Variants in HNRNPD observed in about 807,000 individuals in gnomAD.
The protein encoded by HNRNPD is heterogeneous nuclear ribonucleoprotein D, also known as heterogeneous nuclear ribonucleoprotein D0.
HNRNPD carries 3 observed loss-of-function variants against 47.9 expected under a neutral mutation model. The ratio of observed to expected loss-of-function variants is 0.06; its 90% confidence interval spans 0.03 to 0.16. The LOEUF is 0.16. Among genes scored for constraint, HNRNPD ranks in the 10% least tolerant of loss-of-function variants. HNRNPD has a pLI of 1.00. For synonymous variants in HNRNPD, 171 were observed against 165.1 expected (o/e 1.04, Z -0.28); for missense variants, 287 against 454.2 (o/e 0.63, Z 3.35).
chr4:82,354,443 A>T (rs1484892988), intron 8 of HNRNPD: 1 of 152,674 alleles, frequency 6.5e-6, no homozygotes, highest in African/African-American at 2.4e-5. Context: ...ATTTGGTAAA[A>T]GGACATTTTG....
At chr4:82,356,218 G>C (rs1723705785) in intron 7 of HNRNPD, 2 of 239,620 alleles carry the variant, frequency 8.3e-6, no homozygotes, top group Non-Finnish European at 1.6e-5. Context: ...ATCATGCCAA[G>C]ATTATTGGTT....
intron 3 of HNRNPD, 61 bp from the exon 4 acceptor site, chr4:82,358,881 T>C (rs1723843258): frequency 4.1e-6 from 5 of 1,221,004 alleles, no homozygotes; most frequent in Non-Finnish European, 5.7e-6. Flanking sequence ...CAGAGACTAT[T>C]AACTTACTTA....
At chr4:82,366,736 T>C (rs1415036914) in intron 2 of HNRNPD, among the ~76,000 whole-genome samples, 1 of 151,944 alleles carries the variant, frequency 6.6e-6, no homozygotes, top group African/African-American at 2.4e-5. Context: ...AATTTTTGTA[T>C]TTTTAGTAGA....
At position 82,371,686 on chromosome 4, in the gene HNRNPD, G is replaced by T; in HGVS notation, c.234-102C>A. 3.6e-6 allele frequency: 3 copies of T among 840,238 alleles called. 1 individual carries two copies. In the South Asian group the frequency reaches 5.0e-5, roughly 14 times the overall value. The allele number at this position is 840,238 out of a possible 1,614,324, so 52.0% of individuals were successfully genotyped here. On this transcript the variant is annotated intron_variant, in intron 1 of 8. Coordinates refer to ENST00000313899, the MANE Select transcript of HNRNPD (RefSeq NM_031370.3). ...TTAATTCATTTACACTTCAACAGTA[G>T]GTAACTATAAAGTCAGCTGCTTTGC...
intron 4 of HNRNPD, chr4:82,358,023 G>A (rs977452895): frequency 2.6e-5 from 4 of 152,294 alleles, no homozygotes; most frequent in Admixed American, 6.5e-5. Context: ...TCTGTGGGAC[G>A]TATCTGGAGC....
intron 2 of HNRNPD, among the ~76,000 whole-genome samples, chr4:82,362,360 C>A (rs900022750): frequency 6.6e-6 from 1 of 152,172 alleles, no homozygotes; most frequent in African/African-American, 2.4e-5. Flanking sequence ...AGTCTCTAAG[C>A]AAGCACCTAA....
chr4:82,359,346 C>T (rs1723868620), intron 3 of HNRNPD, 125 bp downstream of exon 3: 13 of 536,178 alleles, frequency 2.4e-5, no homozygotes, highest in Admixed American at 1.5e-4. Flanking sequence ...CGTATTGGGG[C>T]AAGAACTATT....
At chr4:82,371,040 TAA>T (rs915250302) in intron 2 of HNRNPD, among the ~76,000 whole-genome samples, 2 of 151,516 alleles carry the variant, frequency 1.3e-5, no homozygotes, top group African/African-American at 4.8e-5. Flanking sequence ...ATATGCTAGG[TAA>T]AAGACAAACA....
chr4:82,364,848 C>A (rs1258350192), intron 2 of HNRNPD, among the ~76,000 whole-genome samples: 1 of 152,164 alleles, frequency 6.6e-6, no homozygotes, highest in African/African-American at 2.4e-5. Flanking sequence ...ATTTAATAAT[C>A]CTGGCTTTTC....
chr4:82,362,613 C>G (rs35103793), intron 2 of HNRNPD, among the ~76,000 whole-genome samples: 25,656 of 151,928 alleles, frequency 0.17, 2,605 homozygotes, highest in Non-Finnish European at 0.23. Flanking sequence ...TTTTTGGTTG[C>G]TTAGTTTTTG....
chr4:82,370,717 C>T (rs947344547), intron 2 of HNRNPD, among the ~76,000 whole-genome samples: 1 of 152,106 alleles, frequency 6.6e-6, no homozygotes, highest in South Asian at 2.1e-4. Context: ...AAGTTAGTGG[C>T]CTTCTACTCT....
chr4:82,373,564 C>T lies in HNRNPD; in HGVS notation c.115G>A (p.Ala39Thr). The T allele has an allele frequency of 6.5e-7, 1 of 1,539,768 alleles. No individual in the cohort carries two copies. Among genetic ancestry groups the T allele is most frequent in the Non-Finnish European group, 8.7e-7 (1 of 1,143,778 alleles). The change falls in exon 1 of 9, where the codon GCG (alanine) becomes ACG (threonine). Residue 39 changes from alanine (A) to threonine (T), a missense_variant. Transcript: ENST00000313899. ...GTCCCGGCTCCGCTTCCCGCCGCCG[C>T]CGCTGCCCCCTGTGTCGCCGCCACC... is the stretch of plus-strand genomic sequence containing the variant. ...AMVAATQGAA[A>T]AAGSGAGTGG...
intron 7 of HNRNPD, chr4:82,355,740 A>G (rs896196000): frequency 6.7e-6 from 2 of 297,830 alleles, no homozygotes; most frequent in Non-Finnish European, 1.2e-5. Flanking sequence ...ACAAATTGTC[A>G]ACCACAATCA....
rs1222018105 is a variant in HNRNPD at position 82,352,918 on chromosome 4, G to T, written c.*1267C>A. ...GGTATTCCATCACTTCACTACTATA[G>T]AACTGTATAATAATACATTTCTCAT... On this transcript the variant is annotated 3_prime_UTR_variant, in exon 9 of 9. Transcript: ENST00000313899. 7 of 152,138 alleles carry T rather than the reference G, an allele frequency of 4.6e-5. No individual in the cohort carries two copies. The highest frequency in any genetic ancestry group is 1.3e-4 in the Admixed American group (2 of 15,272). 9.4% of individuals were successfully genotyped at this position (152,138 alleles called of 1,614,324 possible).
Position 82,373,760 on chromosome 4 carries a change from C to T in HNRNPD, c.-82G>A. The T allele has an allele frequency of 7.2e-6, 11 of 1,527,572 alleles. No homozygotes were observed. The highest frequency in any genetic ancestry group is 4.0e-5 in the Admixed American group (2 of 50,626). 94.6% of individuals were successfully genotyped at this position (1,527,572 alleles called of 1,614,324 possible). A position where few individuals can be genotyped will look rare whatever the true frequency, so the allele number is the denominator to read the frequency against. ...AAACTAGCAGCAAAGTAATCCCCGC[C>T]GCTGCCGCGCGCCCGCTCTACCTCG... On this transcript the variant is annotated 5_prime_UTR_variant, in exon 1 of 9. Transcript: ENST00000313899.
In HNRNPD at chr4:82,356,580, G is replaced by C; in HGVS notation, c.957C>G (p.Asp319Glu). Residue 319 changes from aspartate to glutamate, a missense_variant, in exon 7 of 9, where the codon GAC becomes GAG. Asp to Glu is a conservative substitution (Grantham distance 45). Around this residue, in one of 5 missense-constraint regions of HNRNPD, gnomAD observed 65 missense variants for 107.1 expected, o/e 0.61. Coordinates refer to ENST00000313899, the MANE Select transcript of HNRNPD (RefSeq NM_031370.3). Reference protein sequence around the residue: ...SQGYGGYGGYDYTGYNNYYGY... With the variant: ...SQGYGGYGGYEYTGYNNYYGY... ...CATAGTAGTTGTTGTAACCAGTGTA[G>C]TCATATCCTCCATAACCACCGTAAC... 6.2e-7 allele frequency: 1 copy of C among 1,611,000 alleles called. No individual in the cohort carries two copies. The highest frequency in any genetic ancestry group is 8.5e-7 in the Non-Finnish European group (1 of 1,178,942).
Position 82,357,013 on chromosome 4 carries a change from CTCAG to C in HNRNPD, c.754-122_754-119del, listed in dbSNP as rs143729237. On this transcript the variant is annotated intron_variant, in intron 5 of 8. Transcript: ENST00000313899. The stretch of plus-strand genomic sequence containing the variant: ...TAGAGTAGGCTAATTTGAAACTTTC[CTCAG>C]TCAGTTTATTAATTAAACCAATATT... 5.3e-3 allele frequency: 4,766 copies of C among 902,520 alleles called. 132 individuals carry two copies. In the African/African-American group the frequency reaches 0.069, roughly 13 times the overall value. 55.9% of individuals were successfully genotyped at this position (902,520 alleles called of 1,614,324 possible). A position where few individuals can be genotyped will look rare whatever the true frequency, so the allele number is the denominator to read the frequency against.
At chr4:82,360,934 C>T (rs1014709037) in intron 2 of HNRNPD, among the ~76,000 whole-genome samples, 1 of 152,162 alleles carries the variant, frequency 6.6e-6, no homozygotes, top group Non-Finnish European at 1.5e-5. Flanking sequence ...CAGAGTAAGT[C>T]TTAGGTATAT....
intron 3 of HNRNPD, 42 bp downstream of exon 3, chr4:82,359,429 A>G (rs200226566): frequency 1.5e-5 from 20 of 1,345,160 alleles, no homozygotes; most frequent in South Asian, 3.7e-5. Context: ...CCATATGTTA[A>G]TATTTTATAT....
Sources: allele counts gnomAD v4.1 joint callset (sites outside exome capture counted in the v4.1 genomes callset), GRCh38; gene constraint gnomAD v4.1.1; regional missense constraint gnomAD v4.1.1; transcripts MANE v1.5; gene names NCBI Gene and HGNC (gene_info 2026-07-23, HGNC 2026-07-21).